Variants in GMPS observed in about 807,000 individuals in gnomAD.
The protein encoded by GMPS is guanosine monophosphate synthase, also known as GMP synthase [glutamine-hydrolyzing].
GMPS carries 15 observed loss-of-function variants against 77.9 expected under a neutral mutation model. The ratio of observed to expected loss-of-function variants is 0.19; its 90% confidence interval spans 0.13 to 0.30. GMPS has a LOEUF of 0.30. GMPS is among the 10% of genes least tolerant of loss of function. The probability of loss-of-function intolerance (pLI) is 1.00; values close to 1 mark genes in which losing one functional copy is unlikely to be tolerated. For missense variants in GMPS, 590 were observed against 838.8 expected, an observed-to-expected ratio of 0.70 and a Z score of 3.66; for synonymous variants, 224 against 275.9, an observed-to-expected ratio of 0.81 and a Z score of 1.86.
chr3:155,901,704 G>A (rs1038801419), intron 3 of GMPS, among the ~76,000 whole-genome samples: 10 of 151,738 alleles, frequency 6.6e-5, no homozygotes, highest in African/African-American at 1.2e-4. Flanking sequence ...TGGGGGTCAC[G>A]TTGTAGTCTT....
chr3:155,889,904 T>C (rs1754423022), intron 1 of GMPS, among the ~76,000 whole-genome samples: 4 of 152,248 alleles, frequency 2.6e-5, no homozygotes, highest in Non-Finnish European at 1.5e-5. Context: ...TGTAAATAGA[T>C]ATGGTAGATT....
chr3:155,905,102 A>G (rs62286845), intron 4 of GMPS, among the ~76,000 whole-genome samples: 8,284 of 151,904 alleles, frequency 0.055, 317 homozygotes, highest in East Asian at 0.18. Context: ...ACTCACTGCA[A>G]CCTCCACCTC....
chr3:155,927,030 T>A (rs1406880727), intron 12 of GMPS, among the ~76,000 whole-genome samples: 1 of 150,014 alleles, frequency 6.7e-6, no homozygotes, highest in Non-Finnish European at 1.5e-5. Context: ...AAAAAAAAAA[T>A]TGATTGTTAT....
intron 9 of GMPS, among the ~76,000 whole-genome samples, chr3:155,918,918 A>G (rs1755252310): frequency 6.6e-6 from 1 of 152,162 alleles, no homozygotes; most frequent in Admixed American, 6.5e-5. Context: ...ATAATTTTGG[A>G]ACACTAGTAT....
chr3:155,908,909 G>C (rs942987675), intron 5 of GMPS, among the ~76,000 whole-genome samples: 1 of 152,134 alleles, frequency 6.6e-6, no homozygotes, highest in Non-Finnish European at 1.5e-5. Flanking sequence ...AAGGTGATGA[G>C]AGTATGAGAT....
rs1481092433 is a variant in GMPS at position 155,941,939 on chromosome 3, C to G, written c.*4247C>G. ...CCCTATTTTTATGTACTGAAGAGGC[C>G]TCAGTGTCTCACTGAACTCTAACCT... On this transcript the variant is annotated 3_prime_UTR_variant, in exon 16 of 16. Transcript: ENST00000496455. 9.5e-6 allele frequency: 2 copies of G among 210,072 alleles called. No homozygotes were observed. The highest frequency in any genetic ancestry group is 4.5e-5 in the African/African-American group (2 of 44,030). 13.0% of individuals were successfully genotyped at this position (210,072 alleles called of 1,614,324 possible).
rs1755909239 is a variant in GMPS at position 155,942,213 on chromosome 3, A to T, written c.*4521A>T. Reference sequence around the variant, plus strand: ...GCCATTCTCCTGCCTCAGTCTCCCGAGTAGCTGGGACTACAGGCGCCCGCC... The same window carrying T: ...GCCATTCTCCTGCCTCAGTCTCCCGTGTAGCTGGGACTACAGGCGCCCGCC... On this transcript the variant is annotated 3_prime_UTR_variant, in exon 16 of 16. Transcript: ENST00000496455. 5.5e-6 allele frequency: 1 copy of T among 181,500 alleles called. No individual in the cohort carries two copies. The highest frequency in any genetic ancestry group is 1.2e-5 in the Non-Finnish European group (1 of 85,306). The allele number at this position is 181,500 out of a possible 1,614,324, so 11.2% of individuals were successfully genotyped here. A position where few individuals can be genotyped will look rare whatever the true frequency, so the allele number is the denominator to read the frequency against.
intron 11 of GMPS, among the ~76,000 whole-genome samples, chr3:155,923,711 GAA>G (rs1755380925): frequency 6.6e-6 from 1 of 152,190 alleles, no homozygotes; most frequent in African/African-American, 2.4e-5. Context: ...CCTTACTGAA[GAA>G]ACTAAAGGCA....
chr3:155,933,690 T>G (rs1475630434), intron 13 of GMPS, among the ~76,000 whole-genome samples: 1 of 152,210 alleles, frequency 6.6e-6, no homozygotes. Context: ...AACTTTACCA[T>G]GATAGTTTCC....
intron 1 of GMPS, among the ~76,000 whole-genome samples, chr3:155,879,286 T>TA (rs1184416449): frequency 4.0e-5 from 6 of 148,958 alleles, no homozygotes; most frequent in African/African-American, 1.5e-4. Flanking sequence ...TTTTTTTTTT[T>TA]CCTGAGACAG....
chr3:155,876,765 A>G (rs1290745410), intron 1 of GMPS, among the ~76,000 whole-genome samples: 3 of 152,244 alleles, frequency 2.0e-5, no homozygotes, highest in Admixed American at 6.5e-5. Context: ...TGTATACATT[A>G]GCATTATTTT....
At chr3:155,884,195 G>A (rs1003057831) in intron 1 of GMPS, among the ~76,000 whole-genome samples, 2 of 151,486 alleles carry the variant, frequency 1.3e-5, no homozygotes, top group African/African-American at 2.4e-5. Context: ...AGACCAACCT[G>A]GCCAACATGG....
chr3:155,914,182 G>A (rs748053810), intron 7 of GMPS, among the ~76,000 whole-genome samples: 1 of 151,784 alleles, frequency 6.6e-6, no homozygotes, highest in South Asian at 2.1e-4. Flanking sequence ...TCCTGACCTC[G>A]TGATCCACCT....
At chr3:155,869,862 AC>A (rs1177521936), upstream of GMPS, among the ~76,000 whole-genome samples, 3 of 152,150 alleles carry the variant, frequency 2.0e-5, no homozygotes, top group Non-Finnish European at 4.4e-5. Flanking sequence ...TATTCTTTAT[AC>A]CCCAATCTCG....
In GMPS at chr3:155,897,001, G is replaced by T. The variant is rs1175030517; in HGVS notation, c.210-926G>T. Among the ~76,000 whole-genome samples the T allele has an allele frequency of 2.6e-5, 4 of 152,102 alleles. No homozygotes were observed. The East Asian group carries it at 5.8e-4, about 22-fold the overall frequency. ...TAAAGGGCCTAAGTATACCTTCATT[G>T]TGTGAGTGGGCATGTGTGGCAAACT... On this transcript the variant is annotated intron_variant, in intron 2 of 15. Coordinates refer to ENST00000496455, the MANE Select transcript of GMPS (RefSeq NM_003875.3).
intron 1 of GMPS, among the ~76,000 whole-genome samples, chr3:155,888,183 G>T (rs1275836325): frequency 2.1e-5 from 3 of 144,160 alleles, no homozygotes; most frequent in African/African-American, 7.7e-5. Context: ...AATTATGTGT[G>T]CTTTTAATCT....
chr3:155,878,536 C>G (rs974915841), intron 1 of GMPS, among the ~76,000 whole-genome samples: 71 of 152,252 alleles, frequency 4.7e-4, no homozygotes, highest in African/African-American at 1.3e-3. Context: ...ATTTCTGGGT[C>G]ATAGAGTGAC....
chr3:155,922,181 C>G lies in GMPS; in HGVS notation c.1319-6C>G, dbSNP rs762900469. 1 of 1,254,134 alleles carries G rather than the reference C, an allele frequency of 8.0e-7. No homozygotes were observed. The highest frequency in any genetic ancestry group is 1.5e-5 in the African/African-American group (1 of 65,590). 77.7% of individuals were successfully genotyped at this position (1,254,134 alleles called of 1,614,324 possible). A position where few individuals can be genotyped will look rare whatever the true frequency, so the allele number is the denominator to read the frequency against. On this transcript the variant is annotated splice_region_variant and splice_polypyrimidine_tract_variant and intron_variant, in intron 10 of 15. Coordinates refer to ENST00000496455, the MANE Select transcript of GMPS (RefSeq NM_003875.3). ...TGTTAAATACTATTATTACTCCTACCTTTAGGTCCTGGCCTGGCAATCAGA... is the reference window on the plus strand; with the variant it reads ...TGTTAAATACTATTATTACTCCTACGTTTAGGTCCTGGCCTGGCAATCAGA...
intron 13 of GMPS, among the ~76,000 whole-genome samples, chr3:155,932,532 A>G (rs965607742): frequency 6.6e-6 from 1 of 152,204 alleles, no homozygotes; most frequent in Non-Finnish European, 1.5e-5. Flanking sequence ...TTTATAATCT[A>G]TTTCTAATCC....
Sources: allele counts gnomAD v4.1 joint callset (sites outside exome capture counted in the v4.1 genomes callset), GRCh38; gene constraint gnomAD v4.1.1; transcripts MANE v1.5; gene names NCBI Gene and HGNC (gene_info 2026-07-23, HGNC 2026-07-21).